The following SLK variants were observed in gnomAD, a reference collection of about 807,000 sequenced individuals.
The protein encoded by SLK is STE20-like serine/threonine-protein kinase.
Under a neutral mutation model 147.7 loss-of-function variants are expected in SLK, and 67 were observed. The ratio of observed to expected loss-of-function variants is 0.45; its 90% CI spans 0.37 to 0.56. The LOEUF is 0.56. Among genes scored for constraint, SLK ranks in the 20% least tolerant of loss-of-function variants. The pLI, the probability that SLK is intolerant of heterozygous loss-of-function variation, is 0.00. For synonymous variants in SLK, 441 were observed against 475.0 expected, an observed-to-expected ratio of 0.93 and a Z score of 0.93; for missense variants, 1,136 against 1,438.8, an observed-to-expected ratio of 0.79 and a Z score of 3.41.
At position 104,025,694 on chromosome 10, in the gene SLK, C is replaced by T. The variant is rs756420913; in HGVS notation, c.3682C>T (p.Pro1228Ser). Reference protein sequence around the residue: ...QSRISKFYPIPSLHSTGS With the variant: ...QSRISKFYPISSLHSTGS Reference sequence around the variant, plus strand: ...CCGGATTTCCAAATTTTATCCTATTCCCAGCTTGCATTCCACCGGATCATA... The same window carrying T: ...CCGGATTTCCAAATTTTATCCTATTTCCAGCTTGCATTCCACCGGATCATA... The change falls in exon 19 of 19, where the codon CCC becomes TCC. Residue 1228 changes from proline (P) to serine (S), a missense_variant. Pro to Ser is a moderately conservative substitution (Grantham distance 74, BLOSUM62 -1). Coordinates refer to ENST00000369755, the MANE Select transcript of SLK (RefSeq NM_014720.4). 6.2e-7 allele frequency: 1 copy of T among 1,614,050 alleles called. No homozygotes were observed. Among genetic ancestry groups the T allele is most frequent in the Admixed American group, 1.7e-5 (1 of 60,016 alleles).
At chr10:103,979,991 A>G (rs925527428) in intron 1 of SLK, among the ~76,000 whole-genome samples, 8 of 152,226 alleles carry the variant, frequency 5.3e-5, no homozygotes, top group Non-Finnish European at 7.3e-5. Context: ...ATTGCCTTCT[A>G]CATTAGGTGT....
In SLK at chr10:103,999,234, C is replaced by T. The variant is rs1177598647; in HGVS notation, c.703C>T (p.His235Tyr). 6.2e-6 allele frequency: 10 copies of T among 1,613,654 alleles called. No homozygotes were observed. The highest frequency in any genetic ancestry group is 1.3e-5 in the African/African-American group (1 of 74,888). Residue 235 changes from histidine to tyrosine, a missense_variant, in exon 6 of 19, where the codon CAT (histidine) becomes TAT (tyrosine). Around this residue, in one of 6 missense-constraint regions of SLK, gnomAD observed 141 missense variants for 219.3 expected, o/e 0.64. Coordinates refer to ENST00000369755, the MANE Select transcript of SLK (RefSeq NM_014720.4). ...AGAAATGGCTGAGATAGAACCACCT[C>T]ATCATGAATTAAATCCAATGCGAGT... The part of the protein sequence containing the change: ...LIEMAEIEPP[H>Y]HELNPMRVLL...
chr10:103,997,801 T>C lies in SLK; in HGVS notation c.515-1098T>C, dbSNP rs190838647. Among the ~76,000 whole-genome samples the C allele has an allele frequency of 2.0e-5, 3 of 152,230 alleles. No homozygotes were observed. The East Asian group carries it at 5.8e-4, about 29-fold the overall frequency. On this transcript the variant is annotated intron_variant, in intron 4 of 18. Coordinates refer to ENST00000369755, the MANE Select transcript of SLK (RefSeq NM_014720.4). ...ATGTTTTTCATCATTTTTAAAAGTG[T>C]CCTAGCTTATTTTGAAATAGGATGT...
At chr10:104,020,725 G>A in intron 17 of SLK, 112 bp downstream of exon 17, 1 of 1,136,478 alleles carries the variant, frequency 8.8e-7, no homozygotes, top group Non-Finnish European at 1.2e-6. Context: ...GAACATGCTG[G>A]GTTTGAGAGG....
At chr10:104,008,443 T>C (rs1294535142) in intron 12 of SLK, 87 bp downstream of exon 12, 1 of 880,708 alleles carries the variant, frequency 1.1e-6, no homozygotes, top group Non-Finnish European at 1.7e-6. Flanking sequence ...GGAATACTAA[T>C]AATACTTGAG....
rs747534945 is a variant in SLK at position 104,008,274 on chromosome 10, G to A, written c.2702G>A (p.Arg901Gln). 1.2e-6 allele frequency: 2 copies of A among 1,613,976 alleles called. No homozygotes were observed. Among genetic ancestry groups the A allele is most frequent in the East Asian group, 2.2e-5 (1 of 44,862 alleles). Residue 901 changes from arginine (R) to glutamine (Q), a missense_variant, in exon 12 of 19, where the codon CGA becomes CAA. Transcript: ENST00000369755. ...RLEQEHTNRL[R>Q]DEAKRIKGEQ... is the part of the protein sequence containing the mutation. ...GAACAAGAGCACACAAATCGCTTGCGAGATGAAGCCAAACGCATCAAAGGA... is the reference window on the plus strand; with the variant it reads ...GAACAAGAGCACACAAATCGCTTGCAAGATGAAGCCAAACGCATCAAAGGA...
chr10:103,993,195 T>A (rs947218634), intron 4 of SLK, 62 bp downstream of exon 4: 7 of 1,227,862 alleles, frequency 5.7e-6, no homozygotes, highest in Non-Finnish European at 8.1e-6. Flanking sequence ...TCTTTATGTA[T>A]GTGACTTAAT....
chr10:104,018,379 T>G, intron 14 of SLK, 90 bp downstream of exon 14: 1 of 1,233,592 alleles, frequency 8.1e-7, no homozygotes, highest in Non-Finnish European at 1.1e-6. Flanking sequence ...TTAAAATTTC[T>G]TCTTGCCCTG....
intron 4 of SLK, among the ~76,000 whole-genome samples, chr10:103,996,746 C>A (rs1844180836): frequency 1.3e-5 from 2 of 152,064 alleles, no homozygotes; most frequent in African/African-American, 4.8e-5. Flanking sequence ...TTCCCCGCCC[C>A]CGACAGGAAA....
chr10:104,008,479 T>G, intron 12 of SLK, 123 bp downstream of exon 12: 1 of 663,550 alleles, frequency 1.5e-6, no homozygotes, highest in African/African-American at 1.8e-5. Flanking sequence ...ATTCATTCTT[T>G]CATTCGGTCT....
chr10:103,971,645 GA>G (rs1269050910), intron 1 of SLK, among the ~76,000 whole-genome samples: 1 of 152,228 alleles, frequency 6.6e-6, no homozygotes, highest in Admixed American at 6.5e-5. Flanking sequence ...TGCATTTCTA[GA>G]AAGCTATTTT....
chr10:103,971,606 A>G (rs183040784), intron 1 of SLK, among the ~76,000 whole-genome samples: 6 of 152,374 alleles, frequency 3.9e-5, no homozygotes, highest in Non-Finnish European at 7.3e-5. Context: ...AACAGAAAAA[A>G]AAGAATGACA....
intron 2 of SLK, among the ~76,000 whole-genome samples, chr10:103,991,067 T>C (rs1844086957): frequency 6.6e-6 from 1 of 152,182 alleles, no homozygotes; most frequent in Non-Finnish European, 1.5e-5. Context: ...TCATGATTGT[T>C]TGACATTGGA....
chr10:103,988,171 C>G (rs1844043236), intron 1 of SLK, among the ~76,000 whole-genome samples: 1 of 152,146 alleles, frequency 6.6e-6, no homozygotes, highest in Non-Finnish European at 1.5e-5. Context: ...CTGTGACTCC[C>G]TATCAAAGAA....
intron 1 of SLK, among the ~76,000 whole-genome samples, chr10:103,986,196 A>G (rs1844010126): frequency 1.3e-5 from 2 of 151,876 alleles, no homozygotes; most frequent in South Asian, 4.2e-4. Flanking sequence ...TGTTATGTTT[A>G]TTGTATACTT....
At chr10:103,994,851 T>C (rs370779803) in intron 4 of SLK, among the ~76,000 whole-genome samples, 1 of 152,196 alleles carries the variant, frequency 6.6e-6, no homozygotes, top group African/African-American at 2.4e-5. Flanking sequence ...TTTCCTTCAG[T>C]TTGGCAGATG....
chr10:103,977,148 A>G (rs1443507608), intron 1 of SLK, among the ~76,000 whole-genome samples: 1 of 152,194 alleles, frequency 6.6e-6, no homozygotes, highest in Non-Finnish European at 1.5e-5. Flanking sequence ...AATGATTTGT[A>G]GGATATGAGG....
At chr10:104,007,693 G>A (rs2134507901) in intron 11 of SLK, among the ~76,000 whole-genome samples, 1 of 151,578 alleles carries the variant, frequency 6.6e-6, no homozygotes, top group South Asian at 2.1e-4. Context: ...TATTTTGGGA[G>A]GCCGAAGCAG....
At chr10:103,989,710 T>C (rs2487995) in intron 1 of SLK, among the ~76,000 whole-genome samples, 110,802 of 151,770 alleles carry the variant, frequency 0.73, 40,641 homozygotes, top group East Asian at 0.86. Context: ...CTTCGTGATC[T>C]GCCTGCCTCG....
Sources: gnomAD v4.1 joint callset for allele counts (sites outside exome capture counted in the v4.1 genomes callset) on GRCh38, gnomAD v4.1.1 for gene constraint, gnomAD v4.1.1 regional missense constraint, MANE v1.5 for transcripts, NCBI Gene and HGNC (gene_info 2026-07-23, HGNC 2026-07-21) for gene names.